Variants in RPA3 observed in about 807,000 individuals in gnomAD.
RPA3 encodes the protein replication protein A3, also known as replication protein A 14 kDa subunit.
Under a neutral mutation model 13.7 loss-of-function variants are expected in RPA3, and 24 were observed. That is an observed-to-expected ratio of 1.75 (90% CI 1.27 to 2.46). The LOEUF (loss-of-function observed/expected upper bound fraction) is 2.46. RPA3 is among the 30% of genes most tolerant of loss of function. The probability of loss-of-function intolerance (pLI) is 0.00; values close to 1 mark genes in which losing one functional copy is unlikely to be tolerated. For missense variants in RPA3, 183 were observed against 151.0 expected, an observed-to-expected ratio of 1.21 and a Z score of -1.11; for synonymous variants, 59 against 51.2, an observed-to-expected ratio of 1.15 and a Z score of -0.65.
In RPA3 at chr7:7,655,780, A is replaced by G. The variant is rs570588925; in HGVS notation, c.-757-14605T>C. Among the ~76,000 whole-genome samples the G allele has an allele frequency of 3.3e-5, 5 of 152,004 alleles. No individual in the cohort carries two copies. The South Asian group carries it at 1.0e-3, about 32-fold the overall frequency. ...TTTTATGTATTTTAATTTAAAAAAT[A>G]TTTTTGTAGGTATATAGTAAGTGTA... On this transcript the variant is annotated intron_variant, in intron 4 of 7. Transcript: ENST00000223129.
At chr7:7,659,038 G>A (rs950830748) in intron 4 of RPA3, among the ~76,000 whole-genome samples, 3 of 152,166 alleles carry the variant, frequency 2.0e-5, no homozygotes, top group South Asian at 2.1e-4. Flanking sequence ...ACTTGGGAAG[G>A]TGTATGTGTC....
chr7:7,652,217 A>G (rs1785238670), intron 4 of RPA3, among the ~76,000 whole-genome samples: 1 of 152,194 alleles, frequency 6.6e-6, no homozygotes. Flanking sequence ...TCGTTTGCTC[A>G]CTTGGCCATT....
At chr7:7,667,087 G>T (rs995371022) in intron 4 of RPA3, among the ~76,000 whole-genome samples, 1 of 152,208 alleles carries the variant, frequency 6.6e-6, no homozygotes, top group Non-Finnish European at 1.5e-5. Flanking sequence ...GGGATTACAG[G>T]CGTCAGCCAC....
chr7:7,647,982 C>T (rs6967250), intron 4 of RPA3, among the ~76,000 whole-genome samples: 101,073 of 151,892 alleles, frequency 0.67, 34,109 homozygotes, highest in East Asian at 0.88. Context: ...ATTTATTTGT[C>T]TTATCGTTTT....
chr7:7,642,625 G>A (rs1450628559), intron 4 of RPA3, among the ~76,000 whole-genome samples: 1 of 152,110 alleles, frequency 6.6e-6, no homozygotes. Flanking sequence ...GTATTTTTGA[G>A]TCACTTAAAA....
intron 2 of RPA3, among the ~76,000 whole-genome samples, chr7:7,713,296 A>G (rs1331104604): frequency 6.6e-6 from 1 of 152,042 alleles, no homozygotes; most frequent in Middle Eastern, 3.2e-3. Context: ...GTGAGCTGAG[A>G]TTGCGCCACT....
chr7:7,680,277 A>G (rs1010438903), intron 4 of RPA3, among the ~76,000 whole-genome samples: 1 of 152,122 alleles, frequency 6.6e-6, no homozygotes, highest in African/African-American at 2.4e-5. Flanking sequence ...CAGTTTTCCC[A>G]GCACCACTGA....
intron 4 of RPA3, among the ~76,000 whole-genome samples, chr7:7,683,853 C>A (rs1779974068): frequency 6.6e-6 from 1 of 152,150 alleles, no homozygotes; most frequent in Non-Finnish European, 1.5e-5. Context: ...AAACTCCTGA[C>A]CTCAGGTGAT....
intron 5 of RPA3, among the ~76,000 whole-genome samples, chr7:7,639,396 A>C (rs1438647003): frequency 2.6e-5 from 4 of 152,226 alleles, no homozygotes; most frequent in Non-Finnish European, 5.9e-5. Flanking sequence ...GTATTTGCTA[A>C]ATATGGCAAC....
chr7:7,673,246 TA>T (rs35632736), intron 4 of RPA3: 1 of 982,320 alleles, frequency 1.0e-6, no homozygotes, highest in Non-Finnish European at 1.6e-6. Context: ...AACTTTTTGC[TA>T]AAAAGGGTAA....
chr7:7,670,340 G>T (rs1262366107), intron 4 of RPA3, among the ~76,000 whole-genome samples: 1 of 152,122 alleles, frequency 6.6e-6, no homozygotes, highest in Non-Finnish European at 1.5e-5. Context: ...GAGCCACTTC[G>T]TAAAGGGTCT....
chr7:7,712,175 A>G (rs979835558), intron 2 of RPA3, among the ~76,000 whole-genome samples: 3 of 152,136 alleles, frequency 2.0e-5, no homozygotes, highest in Non-Finnish European at 4.4e-5. Context: ...GCTTTTCTAT[A>G]TAATGAAGCA....
At chr7:7,637,482 C>G (rs554072899) in intron 7 of RPA3, among the ~76,000 whole-genome samples, 4 of 151,962 alleles carry the variant, frequency 2.6e-5, no homozygotes, top group African/African-American at 9.7e-5. Context: ...ACAAAATGTA[C>G]CCCCATTTGC....
intron 4 of RPA3, among the ~76,000 whole-genome samples, chr7:7,650,118 C>G (rs1429940486): frequency 6.6e-6 from 1 of 152,164 alleles, no homozygotes; most frequent in Admixed American, 6.5e-5. Context: ...CAAGACAGAA[C>G]CTGTAATTCC....
intron 2 of RPA3, among the ~76,000 whole-genome samples, chr7:7,705,486 A>G (rs944898887): frequency 1.3e-5 from 2 of 152,180 alleles, no homozygotes; most frequent in African/African-American, 4.8e-5. Context: ...CCCAGTGTTT[A>G]TATTCAGTGT....
chr7:7,678,782 T>TA (rs1491307286), intron 4 of RPA3, among the ~76,000 whole-genome samples: 17 of 21,060 alleles, frequency 8.1e-4, no homozygotes, highest in African/African-American at 1.4e-3. Flanking sequence ...TATAAATATA[T>TA]TTATATATTT....
intron 6 of RPA3, 26 bp downstream of exon 6, chr7:7,639,042 TAA>T (rs1365836715): frequency 1.7e-5 from 26 of 1,545,268 alleles, no homozygotes; most frequent in Admixed American, 7.6e-5. Context: ...CTATAATATA[TAA>T]GAGACTTATT....
intron 2 of RPA3, among the ~76,000 whole-genome samples, chr7:7,712,503 T>C (rs1019342005): frequency 1.3e-5 from 2 of 152,202 alleles, no homozygotes; most frequent in African/African-American, 4.8e-5. Context: ...ATTTTCTGTT[T>C]GTTGCCAGCA....
intron 2 of RPA3, among the ~76,000 whole-genome samples, chr7:7,693,295 T>TTATCTATCTATC (rs1250261083): frequency 0.28 from 42,331 of 148,722 alleles, 6,137 homozygotes; most frequent in African/African-American, 0.3. Context: ...TAAAATATCT[T>TTATCTATCTATC]TATCTATCTA....
Sources: allele counts gnomAD v4.1 joint callset (sites outside exome capture counted in the v4.1 genomes callset), GRCh38; gene constraint gnomAD v4.1.1; transcripts MANE v1.5; gene names NCBI Gene and HGNC (gene_info 2026-07-23, HGNC 2026-07-21).